Variants in HBS1L observed in about 807,000 individuals in gnomAD.
The protein encoded by HBS1L is HBS1-like protein.
Under a neutral mutation model 88.9 loss-of-function variants are expected in HBS1L, and 55 were observed. That is an observed-to-expected ratio of 0.62 (90% CI 0.50 to 0.77). The LOEUF (loss-of-function observed/expected upper bound fraction) is 0.77. Ranked by LOEUF, HBS1L falls within the 30% of genes least tolerant of loss-of-function variation. The pLI is 0.00. For missense variants in HBS1L, 741 were observed against 829.3 expected (o/e 0.89, Z 1.31); for synonymous variants, 267 against 288.5 (o/e 0.93, Z 0.76).
chr6:134,981,576 TA>T (rs1437402210), intron 13 of HBS1L, among the ~76,000 whole-genome samples: 8 of 151,882 alleles, frequency 5.3e-5, no homozygotes, highest in Non-Finnish European at 1.0e-4. Flanking sequence ...ACTCTAGATA[TA>T]AACTATAAAT....
Position 134,962,943 on chromosome 6 carries a change from A to T in HBS1L, c.*2336T>A, listed in dbSNP as rs1774217840. 1 of 152,204 alleles carries T rather than the reference A, an allele frequency of 6.6e-6. No individual in the cohort carries two copies. 9.4% of individuals were successfully genotyped at this position (152,204 alleles called of 1,614,324 possible). A position where few individuals can be genotyped will look rare whatever the true frequency, so the allele number is the denominator to read the frequency against. ...CGAAATAATATCACCACTCCTTTCA[A>T]CCACAATCAATCATCAATAAAATGC... is the stretch of plus-strand genomic sequence containing the variant. On this transcript the variant is annotated 3_prime_UTR_variant, in exon 18 of 18. Coordinates refer to ENST00000367837, the MANE Select transcript of HBS1L (RefSeq NM_006620.4).
intron 14 of HBS1L, 142 bp downstream of exon 14, chr6:134,979,036 G>C (rs2114767315): frequency 1.5e-6 from 1 of 654,094 alleles, no homozygotes; most frequent in Non-Finnish European, 2.7e-6. Flanking sequence ...CAAATTTTAA[G>C]TAAGTTTGCT....
intron 15 of HBS1L, among the ~76,000 whole-genome samples, chr6:134,978,074 T>C (rs1475377803): frequency 6.6e-6 from 1 of 151,982 alleles, no homozygotes; most frequent in Non-Finnish European, 1.5e-5. Flanking sequence ...CACAACTGAA[T>C]GTCTAGGATC....
chr6:134,988,726 G>A (rs1328549664), intron 8 of HBS1L, among the ~76,000 whole-genome samples: 1 of 152,146 alleles, frequency 6.6e-6, no homozygotes, highest in Non-Finnish European at 1.5e-5. Context: ...GGGACTGTAG[G>A]TGCACCACCT....
chr6:134,974,234 T>G (rs1487459400), intron 15 of HBS1L, among the ~76,000 whole-genome samples: 2 of 151,484 alleles, frequency 1.3e-5, no homozygotes, highest in African/African-American at 4.9e-5. Flanking sequence ...CAGACACATA[T>G]CAAGCAGTGA....
chr6:134,972,126 C>G (rs947413901), intron 15 of HBS1L, among the ~76,000 whole-genome samples: 3 of 152,090 alleles, frequency 2.0e-5, no homozygotes, highest in Non-Finnish European at 4.4e-5. Flanking sequence ...AATTCTAAAA[C>G]CATTGCTCTA....
chr6:134,998,373 T>C (rs1162436677), intron 5 of HBS1L, among the ~76,000 whole-genome samples: 2 of 152,180 alleles, frequency 1.3e-5, no homozygotes, highest in Non-Finnish European at 2.9e-5. Flanking sequence ...CTGATCTTAG[T>C]TCTTCATGAG....
At chr6:135,000,626 T>C (rs1377142322) in intron 5 of HBS1L, among the ~76,000 whole-genome samples, 2 of 151,998 alleles carry the variant, frequency 1.3e-5, no homozygotes, top group African/African-American at 2.4e-5. Context: ...TTCCAAGCAA[T>C]GCATTATGCA....
intron 4 of HBS1L, among the ~76,000 whole-genome samples, chr6:135,030,469 C>T (rs2114878262): frequency 6.6e-6 from 1 of 152,170 alleles, no homozygotes. Flanking sequence ...TTGGGTAGGT[C>T]TGGGTAAACA....
At chr6:134,994,101 A>G (rs1775222648) in intron 7 of HBS1L, among the ~76,000 whole-genome samples, 1 of 152,170 alleles carries the variant, frequency 6.6e-6, no homozygotes, top group African/African-American at 2.4e-5. Flanking sequence ...TAAGAGCTCA[A>G]TAAAAATGAT....
chr6:134,995,676 A>G lies in HBS1L; in HGVS notation c.965+1101T>C, dbSNP rs117546382. 3.4e-4 allele frequency among the ~76,000 whole-genome samples: 51 copies of G among 151,912 alleles called. No individual in the cohort carries two copies. The East Asian group carries it at 9.5e-3, about 28-fold the overall frequency. ...AAACTAAAAAGCCACATACTTTAGT[A>G]ATGTGCTTGTTAAACTGAGAGGTGA... On this transcript the variant is annotated intron_variant, in intron 7 of 17. Coordinates refer to ENST00000367837, the MANE Select transcript of HBS1L (RefSeq NM_006620.4).
Position 134,997,641 on chromosome 6 carries a change from T to G in HBS1L, c.555A>C (p.Glu185Asp). 1 of 1,613,954 alleles carries G rather than the reference T, an allele frequency of 6.2e-7. No individual in the cohort carries two copies. Among genetic ancestry groups the G allele is most frequent in the Non-Finnish European group, 8.5e-7 (1 of 1,179,872 alleles). ...GFEVPGVSSEENGHSFHTPQK... is the reference protein window; with the variant it reads ...GFEVPGVSSEDNGHSFHTPQK... ...GAGGTGTGTGGAAACTATGACCATTTTCTTCAGAAGATACTCTACAGAAGG... is the reference window on the plus strand; with the variant it reads ...GAGGTGTGTGGAAACTATGACCATTGTCTTCAGAAGATACTCTACAGAAGG... The change falls in exon 6 of 18, where the codon GAA becomes GAC. Residue 185 changes from glutamate (E) to aspartate (D), a missense_variant. By Grantham distance (45) the Glu-to-Asp change is conservative (BLOSUM62 2). Around this residue, in one of 3 missense-constraint regions of HBS1L, gnomAD observed 556 missense variants for 598.4 expected, o/e 0.93. Transcript: ENST00000367837.
intron 4 of HBS1L, among the ~76,000 whole-genome samples, chr6:135,025,237 A>G (rs1776194386): frequency 1.3e-5 from 2 of 152,246 alleles, no homozygotes; most frequent in South Asian, 2.1e-4. Flanking sequence ...ACCAAAGCAC[A>G]AACTATGAAG....
chr6:134,976,613 G>C (rs1231256552), intron 15 of HBS1L, among the ~76,000 whole-genome samples: 2 of 152,056 alleles, frequency 1.3e-5, no homozygotes, highest in African/African-American at 2.4e-5. Flanking sequence ...AACTTGGATA[G>C]GGCTGGAGGA....
chr6:135,013,211 A>G (rs1425190654), intron 4 of HBS1L, among the ~76,000 whole-genome samples: 1 of 152,224 alleles, frequency 6.6e-6, no homozygotes, highest in Non-Finnish European at 1.5e-5. Context: ...AGGAGAACTG[A>G]GAATTAAATG....
intron 4 of HBS1L, among the ~76,000 whole-genome samples, chr6:135,026,343 T>C (rs1351642825): frequency 6.6e-6 from 1 of 152,190 alleles, no homozygotes; most frequent in East Asian, 1.9e-4. Flanking sequence ...CAATATACAT[T>C]GTTTAAAGTT....
chr6:135,046,803 C>T (rs2114922001), intron 2 of HBS1L, among the ~76,000 whole-genome samples: 1 of 152,272 alleles, frequency 6.6e-6, no homozygotes, highest in Middle Eastern at 3.4e-3. Context: ...ACCATGAATA[C>T]AATCAGCTTT....
intron 4 of HBS1L, among the ~76,000 whole-genome samples, chr6:135,012,154 A>G (rs1229012318): frequency 6.6e-6 from 1 of 152,186 alleles, no homozygotes; most frequent in East Asian, 1.9e-4. Context: ...TAATGACAAA[A>G]AATTGTAGAT....
chr6:135,027,194 A>C (rs1776255272), intron 4 of HBS1L: 2 of 77,416 alleles, frequency 2.6e-5, no homozygotes, highest in African/African-American at 9.3e-5. Context: ...TCTCAAAAAA[A>C]AAAAAAAAAA....
Sources: gnomAD v4.1 joint callset for allele counts (sites outside exome capture counted in the v4.1 genomes callset) on GRCh38, gnomAD v4.1.1 for gene constraint, gnomAD v4.1.1 regional missense constraint, MANE v1.5 for transcripts, NCBI Gene and HGNC (gene_info 2026-07-23, HGNC 2026-07-21) for gene names.